Variants in WARS2 observed in about 807,000 individuals in gnomAD.
WARS2 encodes the protein tryptophan--tRNA ligase, mitochondrial.
A neutral mutation model predicts 36.5 loss-of-function variants in WARS2; 28 were observed. The observed-to-expected ratio is 0.77, with a 90% CI of 0.57 to 1.05. WARS2 has a LOEUF of 1.05. Among genes scored for constraint, WARS2 ranks in the 50% least tolerant of loss-of-function variants. The pLI is 0.00. For synonymous variants in WARS2, 174 were observed against 178.4 expected, an observed-to-expected ratio of 0.98 and a Z score of 0.20; for missense variants, 435 against 456.8, an observed-to-expected ratio of 0.95 and a Z score of 0.44.
chr1:119,060,426 CTA>C (rs1258610406), intron 2 of WARS2, among the ~76,000 whole-genome samples: 9 of 152,274 alleles, frequency 5.9e-5, no homozygotes, highest in African/African-American at 1.9e-4. Flanking sequence ...GGCCACAGGC[CTA>C]TCAGATTAGG....
chr1:119,086,750 T>C (rs1196638207), intron 1 of WARS2, among the ~76,000 whole-genome samples: 1 of 152,216 alleles, frequency 6.6e-6, no homozygotes, highest in Non-Finnish European at 1.5e-5. Flanking sequence ...TCACATATAC[T>C]GACTTAGCAT....
Position 119,112,438 on chromosome 1 carries a change from T to C in WARS2, c.90+28117A>G, listed in dbSNP as rs1274817880. ...AAATTACCCAGCAGAGAGGGAGACA[T>C]TTATGATGCAGAAGAGAGAGAATAT... On this transcript the variant is annotated intron_variant, in intron 1 of 5. Transcript: ENST00000235521. Among the ~76,000 whole-genome samples, 10 of 152,232 alleles carry C rather than the reference T, an allele frequency of 6.6e-5. No individual in the cohort carries two copies. The East Asian group carries it at 1.9e-3, about 29-fold the overall frequency.
intron 1 of WARS2, among the ~76,000 whole-genome samples, chr1:119,106,188 T>C (rs149319901): frequency 6.6e-6 from 1 of 151,182 alleles, no homozygotes; most frequent in East Asian, 2.0e-4. Context: ...TTTAGGTTCA[T>C]GGCAAAATTG....
intron 1 of WARS2, among the ~76,000 whole-genome samples, chr1:119,102,459 G>A (rs780347300): frequency 6.6e-6 from 1 of 152,258 alleles, no homozygotes; most frequent in South Asian, 2.1e-4. Context: ...ACAGAAAGGG[G>A]TCCCTCTAAG....
intron 1 of WARS2, among the ~76,000 whole-genome samples, chr1:119,111,924 T>C (rs1443873924): frequency 6.8e-6 from 1 of 146,300 alleles, no homozygotes; most frequent in Non-Finnish European, 1.5e-5. Context: ...TTTGTTCAGA[T>C]TTTTTTTTTT....
At chr1:119,095,298 A>G (rs1256034533) in intron 1 of WARS2, among the ~76,000 whole-genome samples, 3 of 152,110 alleles carry the variant, frequency 2.0e-5, no homozygotes, top group Non-Finnish European at 4.4e-5. Flanking sequence ...TATATAATTT[A>G]TTAACTTAGT....
intron 2 of WARS2, among the ~76,000 whole-genome samples, chr1:119,070,347 T>C (rs1469460825): frequency 6.6e-6 from 1 of 152,060 alleles, no homozygotes; most frequent in Admixed American, 6.6e-5. Context: ...CTTCCACCTC[T>C]GCCTCCTGGG....
chr1:119,109,392 A>G (rs1355200560), intron 1 of WARS2, among the ~76,000 whole-genome samples: 1 of 151,972 alleles, frequency 6.6e-6, no homozygotes, highest in African/African-American at 2.4e-5. Flanking sequence ...CATACACATT[A>G]AGGATTATCA....
intron 2 of WARS2, among the ~76,000 whole-genome samples, chr1:119,061,438 G>A (rs1438393822): frequency 6.6e-6 from 1 of 152,066 alleles, no homozygotes; most frequent in Non-Finnish European, 1.5e-5. Flanking sequence ...TCATTATAAA[G>A]TCTTAAACAC....
rs35511707 is a variant in WARS2 at position 119,126,479 on chromosome 1, A to AT, written c.90+14075dup. The AT allele has an allele frequency of 5.5e-3, 1,883 of 340,338 alleles. 1 individual carries two copies. The highest frequency in any genetic ancestry group is 0.015 in the South Asian group (477 of 32,418). 21.1% of individuals were successfully genotyped at this position (340,338 alleles called of 1,614,324 possible). A position where few individuals can be genotyped will look rare whatever the true frequency, so the allele number is the denominator to read the frequency against. ...ATGGTAACACTCTGAGGTAGATACTATTTTTTTTTTTTTTTTCACAAATAG... is the reference window on the plus strand; with the variant it reads ...ATGGTAACACTCTGAGGTAGATACTATTTTTTTTTTTTTTTTTCACAAATAG... On this transcript the variant is annotated intron_variant, in intron 1 of 5. Coordinates refer to ENST00000235521, the MANE Select transcript of WARS2 (RefSeq NM_015836.4).
chr1:119,092,374 A>T (rs1653107925), intron 1 of WARS2, among the ~76,000 whole-genome samples: 1 of 152,244 alleles, frequency 6.6e-6, no homozygotes, highest in Non-Finnish European at 1.5e-5. Context: ...ATTTAAAATG[A>T]CATTATCTTT....
intron 1 of WARS2, chr1:119,082,435 A>C: frequency 1.0e-6 from 1 of 985,392 alleles, no homozygotes. Context: ...CCTTTCATGT[A>C]CTTCATCTCA....
intron 1 of WARS2, chr1:119,082,363 T>C (rs1444890500): frequency 2.0e-6 from 2 of 985,278 alleles, no homozygotes; most frequent in Non-Finnish European, 2.4e-6. Context: ...TGTGATGGAA[T>C]GCTTTTGCAC....
chr1:119,040,255 T>A (rs1648236337), intron 4 of WARS2, among the ~76,000 whole-genome samples: 1 of 152,216 alleles, frequency 6.6e-6, no homozygotes, highest in East Asian at 1.9e-4. Context: ...AGGCAAGTTG[T>A]TAAACCACAC....
intron 2 of WARS2, chr1:119,063,618 T>C (rs1363381948): frequency 2.0e-5 from 3 of 152,120 alleles, no homozygotes; most frequent in African/African-American, 7.2e-5. Flanking sequence ...GCCTAGGGAC[T>C]TGGCGCACTG....
At chr1:119,049,406 A>G (rs1649146906) in intron 2 of WARS2, among the ~76,000 whole-genome samples, 1 of 152,128 alleles carries the variant, frequency 6.6e-6, no homozygotes, top group South Asian at 2.1e-4. Flanking sequence ...GCTGACACCC[A>G]GGTTTCAGTC....
chr1:119,078,863 A>C (rs1651971342), intron 1 of WARS2, among the ~76,000 whole-genome samples: 1 of 152,122 alleles, frequency 6.6e-6, no homozygotes, highest in Non-Finnish European at 1.5e-5. Context: ...ATCATAGAAG[A>C]AATCTTTCAA....
intron 1 of WARS2, among the ~76,000 whole-genome samples, chr1:119,077,264 T>C (rs1651820405): frequency 6.6e-6 from 1 of 152,046 alleles, no homozygotes; most frequent in African/African-American, 2.4e-5. Context: ...TTTGGAATGA[T>C]ACAGAATAGG....
chr1:119,058,540 T>C (rs1176645303), intron 2 of WARS2, among the ~76,000 whole-genome samples: 1 of 129,812 alleles, frequency 7.7e-6, no homozygotes, highest in Non-Finnish European at 1.6e-5. Flanking sequence ...TTCCCACCTA[T>C]GAGTGAGAAT....
Sources: gnomAD v4.1 joint callset for allele counts (sites outside exome capture counted in the v4.1 genomes callset) on GRCh38, gnomAD v4.1.1 for gene constraint, MANE v1.5 for transcripts, NCBI Gene and HGNC (gene_info 2026-07-23, HGNC 2026-07-21) for gene names.